Variants in PARD3B observed in about 807,000 individuals in gnomAD.
The protein encoded by PARD3B is partitioning defective 3 homolog B.
A neutral mutation model predicts 130.2 loss-of-function variants in PARD3B; 103 were observed. That is an observed-to-expected ratio of 0.79 (90% CI 0.67 to 0.93). The LOEUF (loss-of-function observed/expected upper bound fraction) is 0.93, where lower values mean the gene tolerates loss of function less well. PARD3B is among the 40% of genes least tolerant of loss of function. The pLI is 0.00. For synonymous variants in PARD3B, 583 were observed against 553.2 expected, an observed-to-expected ratio of 1.05 and a Z score of -0.76; for missense variants, 1,609 against 1,499.2, an observed-to-expected ratio of 1.07 and a Z score of -1.21.
intron 21 of PARD3B, among the ~76,000 whole-genome samples, chr2:205,513,761 G>A (rs1045575107): frequency 6.6e-6 from 1 of 152,050 alleles, no homozygotes; most frequent in African/African-American, 2.4e-5. Flanking sequence ...AAGTGAATAA[G>A]GGGTTCATGT....
In PARD3B at chr2:205,274,494, CATTA is replaced by C. The variant is rs1352721676; in HGVS notation, c.2186-26031_2186-26028del. ...AGTTCTTGCAATATTTATTATTAAA[CATTA>C]ATTATTAAATATGAATAGTATTAAA... On this transcript the variant is annotated intron_variant, in intron 16 of 22. Transcript: ENST00000406610. This position sits in a 1 kb window ranked among gnomAD's most constrained non-coding sequence, Gnocchi z 4.2. Among the ~76,000 whole-genome samples, 14 of 151,158 alleles carry C rather than the reference CATTA, an allele frequency of 9.3e-5. No homozygotes were observed. In the East Asian group the frequency reaches 2.7e-3, roughly 29 times the overall value.
At chr2:204,941,635 T>TTTCC (rs1291896429) in intron 2 of PARD3B, among the ~76,000 whole-genome samples, 3 of 152,182 alleles carry the variant, frequency 2.0e-5, no homozygotes, top group African/African-American at 7.2e-5. Flanking sequence ...TGCTGTAGGG[T>TTTCC]TTCCAATGTG....
intron 1 of PARD3B, among the ~76,000 whole-genome samples, chr2:204,561,983 C>G (rs1002824669): frequency 6.6e-6 from 1 of 152,066 alleles, no homozygotes; most frequent in African/African-American, 2.4e-5. Context: ...GACCATTGTC[C>G]CTTGATGGTT....
At position 205,337,711 on chromosome 2, in the gene PARD3B, G is replaced by A. The variant is rs970779146; in HGVS notation, c.2630+36010G>A. Among the ~76,000 whole-genome samples the A allele has an allele frequency of 3.3e-5, 5 of 152,306 alleles. No homozygotes were observed. In the Middle Eastern group the frequency reaches 0.014, roughly 414 times the overall value. ...AAATGAAGTTATTTTCTGTTTTGGT[G>A]CATAAGTAAATATAATCATAACTTA... On this transcript the variant is annotated intron_variant, in intron 18 of 22. Transcript: ENST00000406610.
In PARD3B at chr2:204,906,927, G is replaced by A. The variant is rs1246095306; in HGVS notation, c.223-58225G>A. 1.3e-5 allele frequency among the ~76,000 whole-genome samples: 2 copies of A among 152,224 alleles called. No individual in the cohort carries two copies. Among genetic ancestry groups the A allele is most frequent in the South Asian group, 2.1e-4 (1 of 4,824 alleles). On this transcript the variant is annotated intron_variant, in intron 2 of 22. Coordinates refer to ENST00000406610, the MANE Select transcript of PARD3B (RefSeq NM_001302769.2). This position sits in a 1 kb window ranked among gnomAD's most constrained non-coding sequence, Gnocchi z 4.3. Reference sequence around the variant, plus strand: ...AATTTTAGCATTTTTGTGGAGAATTGGGTGTATTAAAAAGTAGAAGCAAAG... The same window carrying A: ...AATTTTAGCATTTTTGTGGAGAATTAGGTGTATTAAAAAGTAGAAGCAAAG...
intron 2 of PARD3B, among the ~76,000 whole-genome samples, chr2:204,716,780 G>A (rs1339252474): frequency 5.3e-5 from 8 of 151,750 alleles, no homozygotes; most frequent in Non-Finnish European, 1.2e-4. Context: ...CCGCCACCAC[G>A]CCTGGCTAAT....
At chr2:205,567,481 A>ATTTTTTTTTTTTTTTTTTTT (rs61638177) in intron 22 of PARD3B, among the ~76,000 whole-genome samples, 2 of 113,518 alleles carry the variant, frequency 1.8e-5, no homozygotes, top group South Asian at 3.3e-4. Flanking sequence ...TGCCCGGTTA[A>ATTTTTTTTTTTTTTTTTTTT]TTTTTTTTTT....
intron 20 of PARD3B, among the ~76,000 whole-genome samples, chr2:205,469,496 A>T (rs1392044357): frequency 6.6e-6 from 1 of 152,134 alleles, no homozygotes; most frequent in Non-Finnish European, 1.5e-5. Flanking sequence ...TAGATGAAGG[A>T]CTTCTCCAGG....
intron 2 of PARD3B, among the ~76,000 whole-genome samples, chr2:204,807,907 A>G (rs1414415862): frequency 6.6e-6 from 1 of 152,070 alleles, no homozygotes; most frequent in Non-Finnish European, 1.5e-5. Flanking sequence ...TCACAACACG[A>G]TAACTACAGT....
intron 1 of PARD3B, among the ~76,000 whole-genome samples, chr2:204,584,942 G>A (rs893209443): frequency 1.3e-5 from 2 of 152,210 alleles, no homozygotes; most frequent in Non-Finnish European, 2.9e-5. Context: ...ACAGCAGGAA[G>A]CAACTGCATC....
At position 204,799,689 on chromosome 2, in the gene PARD3B, G is replaced by A. The variant is rs1265268906; in HGVS notation, c.222+113407G>A. ...ACAGAGAAAGACTGACTCTTTTTGGGGGCAAAGTGAGGGAAGAGAACAAGA... is the reference window on the plus strand; with the variant it reads ...ACAGAGAAAGACTGACTCTTTTTGGAGGCAAAGTGAGGGAAGAGAACAAGA... On this transcript the variant is annotated intron_variant, in intron 2 of 22. Transcript: ENST00000406610. This position sits in a 1 kb window ranked among gnomAD's most constrained non-coding sequence, Gnocchi z 4.1. 2.0e-5 allele frequency among the ~76,000 whole-genome samples: 3 copies of A among 152,108 alleles called. No homozygotes were observed. Among genetic ancestry groups the A allele is most frequent in the African/African-American group, 7.2e-5 (3 of 41,418 alleles).
intron 4 of PARD3B, among the ~76,000 whole-genome samples, chr2:205,070,743 T>C (rs73985909): frequency 0.017 from 2,568 of 152,298 alleles, 80 homozygotes; most frequent in African/African-American, 0.056. Flanking sequence ...ATTGCAAGCA[T>C]CAATATGTTC....
Position 204,977,790 on chromosome 2 carries a change from T to C in PARD3B, c.394+12467T>C, listed in dbSNP as rs1368345544. Among the ~76,000 whole-genome samples, 5 of 118,312 alleles carry C rather than the reference T, an allele frequency of 4.2e-5. No individual in the cohort carries two copies. In the South Asian group the frequency reaches 1.2e-3, roughly 29 times the overall value. 77.6% of individuals were successfully genotyped at this position (118,312 alleles called of 152,430 possible). A position where few individuals can be genotyped will look rare whatever the true frequency, so the allele number is the denominator to read the frequency against. On this transcript the variant is annotated intron_variant, in intron 3 of 22. Transcript: ENST00000406610. ...TGGCGCCACTGCACTCCAGCCTGGG[T>C]GACAGAGCGAGACTCCGGCTCAAAA... is the stretch of plus-strand genomic sequence containing the variant.
At chr2:205,427,293 T>C (rs1455563409) in intron 19 of PARD3B, among the ~76,000 whole-genome samples, 1 of 152,240 alleles carries the variant, frequency 6.6e-6, no homozygotes, top group Non-Finnish European at 1.5e-5. Context: ...GGTAACAATA[T>C]GGACTGACGT....
intron 1 of PARD3B, among the ~76,000 whole-genome samples, chr2:204,599,932 C>T (rs1299795559): frequency 6.6e-6 from 1 of 151,730 alleles, no homozygotes; most frequent in Admixed American, 6.6e-5. Flanking sequence ...GCATTTCCCT[C>T]ATGAGTAGGA....
At chr2:204,752,793 A>G (rs867190308) in intron 2 of PARD3B, among the ~76,000 whole-genome samples, 1 of 152,134 alleles carries the variant, frequency 6.6e-6, no homozygotes, top group Non-Finnish European at 1.5e-5. Context: ...GACCATGTAC[A>G]ATTGCGTGCC....
chr2:205,018,277 C>A (rs1696310965), intron 3 of PARD3B, among the ~76,000 whole-genome samples: 1 of 152,120 alleles, frequency 6.6e-6, no homozygotes, highest in Non-Finnish European at 1.5e-5. Flanking sequence ...GTGTAATAAA[C>A]AGATATGATA....
At chr2:205,317,735 T>G (rs1185743452) in intron 18 of PARD3B, among the ~76,000 whole-genome samples, 1 of 152,172 alleles carries the variant, frequency 6.6e-6, no homozygotes, top group Non-Finnish European at 1.5e-5. Context: ...AAGTAAATAT[T>G]TTTAATGCTA....
intron 4 of PARD3B, among the ~76,000 whole-genome samples, chr2:205,054,335 A>G (rs1699440541): frequency 6.8e-6 from 1 of 146,850 alleles, no homozygotes; most frequent in Non-Finnish European, 1.5e-5. Context: ...CTAACACTGA[A>G]AAACTCTAAA....
Sources: gnomAD v4.1 joint callset for allele counts (sites outside exome capture counted in the v4.1 genomes callset) on GRCh38, gnomAD v4.1.1 for gene constraint, Gnocchi (gnomAD v3.1) non-coding constraint, MANE v1.5 for transcripts, NCBI Gene and HGNC (gene_info 2026-07-23, HGNC 2026-07-21) for gene names.